The following HIVEP3 variants were observed in gnomAD, a reference collection of about 807,000 sequenced individuals.
HIVEP3 encodes the protein transcription factor HIVEP3.
A neutral mutation model predicts 152.8 loss-of-function variants in HIVEP3; 49 were observed. The ratio of observed to expected loss-of-function variants is 0.32; its 90% CI spans 0.26 to 0.41. The LOEUF (loss-of-function observed/expected upper bound fraction) is 0.41, where lower values mean the gene tolerates loss of function less well. HIVEP3 is among the 10% of genes least tolerant of loss of function. HIVEP3 has a pLI of 1.00. For synonymous variants in HIVEP3, 1,269 were observed against 1,289.0 expected (o/e 0.98, Z 0.33); for missense variants, 2,790 against 3,103.3 (o/e 0.90, Z 2.40).
At chr1:41,843,636 A>G (rs528249189) in intron 1 of HIVEP3, among the ~76,000 whole-genome samples, 242 of 152,298 alleles carry the variant, frequency 1.6e-3, no homozygotes, top group African/African-American at 5.5e-3. Context: ...AAGTAACTAC[A>G]GCCAACGTGA....
At chr1:41,579,109 C>T (rs1046450038) in intron 4 of HIVEP3, among the ~76,000 whole-genome samples, 4 of 152,202 alleles carry the variant, frequency 2.6e-5, no homozygotes, top group Middle Eastern at 3.2e-3. Context: ...TTCTTGACCA[C>T]GTAGCACAAA....
At chr1:41,643,740 A>C (rs1258824055) in intron 2 of HIVEP3, among the ~76,000 whole-genome samples, 1 of 152,130 alleles carries the variant, frequency 6.6e-6, no homozygotes, top group Admixed American at 6.5e-5. Flanking sequence ...GGAGACGGAC[A>C]GAGGTCTTAG....
At chr1:41,679,765 C>G (rs1460421850) in intron 2 of HIVEP3, among the ~76,000 whole-genome samples, 1 of 152,226 alleles carries the variant, frequency 6.6e-6, no homozygotes, top group Non-Finnish European at 1.5e-5. Flanking sequence ...TGTGGGAAAC[C>G]CAGTTCCATC....
rs145008070 is a variant in HIVEP3, at chr1:41,839,042, A to C, written c.-801+79371T>G. The stretch of plus-strand genomic sequence containing the variant: ...GGGGGTCCAGGAATAGATCCTCAAA[A>C]TCTTCCAATTGACAATATTCATCAA... On this transcript the variant is annotated intron_variant, in intron 1 of 8. Transcript: ENST00000372583. Among the ~76,000 whole-genome samples the C allele has an allele frequency of 3.9e-4, 60 of 152,270 alleles. 1 individual carries two copies. Among genetic ancestry groups the C allele is most frequent in the African/African-American group, 1.2e-3 (50 of 41,542 alleles).
intron 5 of HIVEP3, among the ~76,000 whole-genome samples, chr1:41,526,405 C>A (rs1642912024): frequency 1.4e-5 from 2 of 146,064 alleles, no homozygotes; most frequent in Non-Finnish European, 1.5e-5. Context: ...CATGCCCACA[C>A]CCCCACACTC....
At chr1:41,721,686 A>G (rs1432401778) in intron 1 of HIVEP3, among the ~76,000 whole-genome samples, 1 of 152,200 alleles carries the variant, frequency 6.6e-6, no homozygotes, top group Non-Finnish European at 1.5e-5. Flanking sequence ...ACTATGAAGG[A>G]AGTATCATTA....
chr1:41,628,970 A>G, intron 2 of HIVEP3, 23 bp from the exon 3 acceptor site: 4 of 1,228,666 alleles, frequency 3.3e-6, no homozygotes, highest in Non-Finnish European at 3.0e-6. Flanking sequence ...ATTGAGAAAC[A>G]TGGTCAAAGA....
intron 1 of HIVEP3, among the ~76,000 whole-genome samples, chr1:41,859,579 C>T (rs1206198264): frequency 2.0e-5 from 3 of 152,172 alleles, no homozygotes; most frequent in African/African-American, 7.2e-5. Context: ...CCACCTAGAG[C>T]ATCTCTCTGA....
intron 3 of HIVEP3, among the ~76,000 whole-genome samples, chr1:41,607,034 G>C (rs1365787016): frequency 6.6e-6 from 1 of 151,798 alleles, no homozygotes; most frequent in Non-Finnish European, 1.5e-5. Flanking sequence ...ATATTGCTCA[G>C]TGTGGTCTTG....
At chr1:41,902,228 G>A (rs1323892288) in intron 1 of HIVEP3, among the ~76,000 whole-genome samples, 1 of 152,122 alleles carries the variant, frequency 6.6e-6, no homozygotes, top group Non-Finnish European at 1.5e-5. Context: ...AAAGACATCC[G>A]GCCCACATTG....
intron 1 of HIVEP3, among the ~76,000 whole-genome samples, chr1:41,879,622 C>T (rs992895265): frequency 6.6e-6 from 1 of 152,210 alleles, no homozygotes; most frequent in Non-Finnish European, 1.5e-5. Flanking sequence ...CTTCATCTCC[C>T]TGCCTCCAGC....
chr1:41,545,329 T>C (rs374644070), intron 5 of HIVEP3, among the ~76,000 whole-genome samples: 392 of 33,584 alleles, frequency 0.012, no homozygotes, highest in Middle Eastern at 0.089. Flanking sequence ...ATCGCCACCA[T>C]CACCACTATC....
At chr1:41,958,067 A>G (rs1645149340) in intron 1 of HIVEP3, among the ~76,000 whole-genome samples, 1 of 152,244 alleles carries the variant, frequency 6.6e-6, no homozygotes, top group Non-Finnish European at 1.5e-5. Context: ...TTGAAAAGTT[A>G]TTCAATCTCT....
rs189881284 is a variant in HIVEP3, at chr1:41,871,981, T to A, written c.-801+46432A>T. 3.3e-5 allele frequency among the ~76,000 whole-genome samples: 5 copies of A among 152,344 alleles called. No individual in the cohort carries two copies. In the East Asian group the frequency reaches 9.6e-4, roughly 29 times the overall value. ...AAGTTGTATTGAGGTATAATTTATA[T>A]ACAGTAAAATGCAACCATTTCAAGT... On this transcript the variant is annotated intron_variant, in intron 1 of 8. Coordinates refer to ENST00000372583, the MANE Select transcript of HIVEP3 (RefSeq NM_024503.5).
chr1:41,918,733 C>A lies in HIVEP3; in HGVS notation c.-1121G>T, dbSNP rs2124473430. ...CATGCTCGCGCCGGGAACAGATCCA[C>A]CCTCTGTTATTCCTCTGAATAAATA... On this transcript the variant is annotated 5_prime_UTR_variant, in exon 1 of 9. Transcript: ENST00000372583. The surrounding 1 kb of genome is among the most constrained non-coding windows in gnomAD (Gnocchi z 4.3). 6.6e-6 allele frequency: 1 copy of A among 152,304 alleles called. No homozygotes were observed. The highest frequency in any genetic ancestry group is 2.1e-4 in the South Asian group (1 of 4,824). The allele number at this position is 152,304 out of a possible 1,614,324, so 9.4% of individuals were successfully genotyped here.
chr1:41,684,032 T>G (rs1285338056), intron 2 of HIVEP3, among the ~76,000 whole-genome samples: 1 of 152,238 alleles, frequency 6.6e-6, no homozygotes, highest in Non-Finnish European at 1.5e-5. Context: ...CCAAAAGCAC[T>G]GCCTTTAAAA....
chr1:41,776,169 G>A (rs936697426), intron 1 of HIVEP3, among the ~76,000 whole-genome samples: 3 of 152,218 alleles, frequency 2.0e-5, no homozygotes, highest in Admixed American at 6.5e-5. Context: ...GGCCCTGCCC[G>A]TGCAGTCCAT....
chr1:41,620,453 C>A (rs192085254), intron 3 of HIVEP3, among the ~76,000 whole-genome samples: 1 of 152,296 alleles, frequency 6.6e-6, no homozygotes, highest in African/African-American at 2.4e-5. Context: ...CCTACCTCTC[C>A]TCTCACCTGT....
chr1:41,919,103 T>C (rs1165704548), upstream of HIVEP3, among the ~76,000 whole-genome samples: 1 of 152,076 alleles, frequency 6.6e-6, no homozygotes, highest in African/African-American at 2.4e-5. Context: ...ATAATATATG[T>C]GCATATATAT....
Sources: allele counts gnomAD v4.1 joint callset (sites outside exome capture counted in the v4.1 genomes callset), GRCh38; gene constraint gnomAD v4.1.1; non-coding constraint Gnocchi (gnomAD v3.1); transcripts MANE v1.5; gene names NCBI Gene and HGNC (gene_info 2026-07-23, HGNC 2026-07-21).